The following CDH4 variants were observed in gnomAD, a reference collection of about 807,000 sequenced individuals.
The protein encoded by CDH4 is cadherin-4.
A neutral mutation model predicts 86.0 loss-of-function variants in CDH4; 33 were observed. The observed-to-expected ratio is 0.38, with a 90% confidence interval of 0.29 to 0.51. The LOEUF (loss-of-function observed/expected upper bound fraction) is 0.51, where lower values mean the gene tolerates loss of function less well. Among genes scored for constraint, CDH4 ranks in the 20% least tolerant of loss-of-function variants. CDH4 has a pLI of 0.86. For synonymous variants in CDH4, 555 were observed against 549.4 expected, an observed-to-expected ratio of 1.01 and a Z score of -0.14; for missense variants, 1,114 against 1,307.4, an observed-to-expected ratio of 0.85 and a Z score of 2.28.
At chr20:61,434,047 G>A (rs901632999) in intron 2 of CDH4, among the ~76,000 whole-genome samples, 3 of 152,116 alleles carry the variant, frequency 2.0e-5, no homozygotes, top group African/African-American at 7.2e-5. Flanking sequence ...AGGGCCAGGC[G>A]TTACCCTCTA....
intron 2 of CDH4, among the ~76,000 whole-genome samples, chr20:61,268,358 A>AG (rs1299240899): frequency 4.6e-5 from 7 of 152,260 alleles, no homozygotes; most frequent in Non-Finnish European, 8.8e-5. Context: ...AGGCAAAGCC[A>AG]GGCAGTGGGA....
At chr20:61,536,480 G>C (rs899477608) in intron 2 of CDH4, among the ~76,000 whole-genome samples, 3 of 151,916 alleles carry the variant, frequency 2.0e-5, no homozygotes, top group African/African-American at 4.8e-5. Flanking sequence ...AGGGAGGGAG[G>C]GGGAGGGAGA....
chr20:61,544,695 C>A lies in CDH4; in HGVS notation c.170-198868C>A, dbSNP rs1047750980. On this transcript the variant is annotated intron_variant, in intron 2 of 15. Transcript: ENST00000614565. The surrounding 1 kb of genome is among the most constrained non-coding windows in gnomAD (Gnocchi z 6.5). ...TACTTGACCACACTCCTGCCTTCTG[C>A]CACAGTTGCAGTTTGGGATAATTTT... Among the ~76,000 whole-genome samples the A allele has an allele frequency of 2.0e-5, 3 of 152,082 alleles. No individual in the cohort carries two copies. Among genetic ancestry groups the A allele is most frequent in the African/African-American group, 7.2e-5 (3 of 41,436 alleles).
At chr20:61,827,097 A>G (rs768396941) in intron 4 of CDH4, among the ~76,000 whole-genome samples, 6 of 152,024 alleles carry the variant, frequency 3.9e-5, no homozygotes, top group Non-Finnish European at 7.4e-5. Flanking sequence ...AGGGGATAGA[A>G]ATAGAAGCTG....
intron 2 of CDH4, among the ~76,000 whole-genome samples, chr20:61,581,681 C>A (rs1182495837): frequency 1.3e-5 from 2 of 152,156 alleles, no homozygotes; most frequent in Non-Finnish European, 2.9e-5. Flanking sequence ...CCTCCGTGAC[C>A]CAGGGTAATC....
intron 2 of CDH4, among the ~76,000 whole-genome samples, chr20:61,468,135 G>C (rs1243654076): frequency 1.3e-5 from 2 of 152,208 alleles, no homozygotes; most frequent in Non-Finnish European, 2.9e-5. Flanking sequence ...AGGGGTGATT[G>C]ATTGCCCATG....
chr20:61,881,652 A>C (rs1305672713), intron 7 of CDH4, among the ~76,000 whole-genome samples: 2 of 152,160 alleles, frequency 1.3e-5, no homozygotes, highest in Non-Finnish European at 2.9e-5. Flanking sequence ...CGCCAGGCAG[A>C]GGGCAGGAAG....
rs2085184923 is a variant in CDH4 at position 61,422,457 on chromosome 20, AAAAAAAAAAAC to A, written c.169+167521_169+167531del. ...AAAAAAAAAAAAAAAAAAAAAAAAA[AAAAAAAAAAAC>A]CAAATCTCCCCAAGTGTCTTCTTTA... On this transcript the variant is annotated intron_variant, in intron 2 of 15. Transcript: ENST00000614565. Among the ~76,000 whole-genome samples the A allele has an allele frequency of 2.9e-4, 18 of 61,648 alleles. 1 individual carries two copies. Among genetic ancestry groups the A allele is most frequent in the Admixed American group, 3.9e-4 (2 of 5,074 alleles). 40.4% of individuals were successfully genotyped at this position (61,648 alleles called of 152,430 possible). A position where few individuals can be genotyped will look rare whatever the true frequency, so the allele number is the denominator to read the frequency against.
chr20:61,894,404 A>G (rs1362809225), intron 7 of CDH4, among the ~76,000 whole-genome samples: 1 of 152,202 alleles, frequency 6.6e-6, no homozygotes, highest in East Asian at 1.9e-4. Flanking sequence ...GCATCTCCGC[A>G]CCTGCACAGA....
chr20:61,306,976 G>A (rs955307529), intron 2 of CDH4, among the ~76,000 whole-genome samples: 1 of 152,180 alleles, frequency 6.6e-6, no homozygotes, highest in Non-Finnish European at 1.5e-5. Context: ...GTAGGTGGGA[G>A]GGCTAGTTCA....
chr20:61,407,703 C>T (rs2085091959), intron 2 of CDH4, among the ~76,000 whole-genome samples: 1 of 152,208 alleles, frequency 6.6e-6, no homozygotes, highest in Admixed American at 6.5e-5. Context: ...ATACTGGACG[C>T]TGCCCAAGTG....
At chr20:61,816,571 G>A (rs1257575021) in intron 4 of CDH4, among the ~76,000 whole-genome samples, 4 of 152,294 alleles carry the variant, frequency 2.6e-5, no homozygotes, top group Admixed American at 6.5e-5. Flanking sequence ...TGCTTGAGCC[G>A]AAATACGCTC....
chr20:61,712,397 G>T (rs2145900239), intron 2 of CDH4, among the ~76,000 whole-genome samples: 1 of 152,302 alleles, frequency 6.6e-6, no homozygotes, highest in Non-Finnish European at 1.5e-5. Context: ...GGTCACACCA[G>T]CTCTGGCAGG....
chr20:61,396,103 A>T (rs2145472629), intron 2 of CDH4, among the ~76,000 whole-genome samples: 1 of 152,210 alleles, frequency 6.6e-6, no homozygotes, highest in East Asian at 1.9e-4. Context: ...GCCGTCTTTG[A>T]CTCTTATGCT....
intron 2 of CDH4, among the ~76,000 whole-genome samples, chr20:61,553,296 CAG>C (rs2086148428): frequency 6.6e-6 from 1 of 152,154 alleles, no homozygotes; most frequent in East Asian, 1.9e-4. Context: ...GGAAAATGGA[CAG>C]AGACACTAAT....
chr20:61,478,242 G>A (rs2085550200), intron 2 of CDH4, among the ~76,000 whole-genome samples: 1 of 152,168 alleles, frequency 6.6e-6, no homozygotes, highest in South Asian at 2.1e-4. Context: ...AAGAGGAGGT[G>A]CTAGGAGCTG....
At position 61,805,211 on chromosome 20, in the gene CDH4, C is replaced by G. The variant is rs575385561; in HGVS notation, c.576+32029C>G. ...CTTGGCCAGTCCTTGACCCAGCCCC[C>G]CATCCCTACCCAAGCTACTAGAACA... is the stretch of plus-strand genomic sequence containing the variant. On this transcript the variant is annotated intron_variant, in intron 4 of 15. Coordinates refer to ENST00000614565, the MANE Select transcript of CDH4 (RefSeq NM_001794.5). Among the ~76,000 whole-genome samples the G allele has an allele frequency of 2.6e-5, 4 of 152,322 alleles. No homozygotes were observed. In the East Asian group the frequency reaches 7.7e-4, roughly 29 times the overall value.
At chr20:61,445,321 T>G (rs1483181032) in intron 2 of CDH4, among the ~76,000 whole-genome samples, 2 of 152,132 alleles carry the variant, frequency 1.3e-5, no homozygotes, top group African/African-American at 2.4e-5. Flanking sequence ...GCATCAGTGC[T>G]CAGAGTCTGA....
chr20:61,403,903 G>T (rs543234423), intron 2 of CDH4, among the ~76,000 whole-genome samples: 1 of 152,292 alleles, frequency 6.6e-6, no homozygotes, highest in South Asian at 2.1e-4. Flanking sequence ...TGTGTTTCAG[G>T]AAAAAGTCTG....
Sources: allele counts gnomAD v4.1 joint callset (sites outside exome capture counted in the v4.1 genomes callset), GRCh38; gene constraint gnomAD v4.1.1; non-coding constraint Gnocchi (gnomAD v3.1); transcripts MANE v1.5; gene names NCBI Gene and HGNC (gene_info 2026-07-23, HGNC 2026-07-21).